MYLK: variants seen among roughly 807,000 people sequenced by gnomAD.
The protein encoded by MYLK is myosin light chain kinase.
Under a neutral mutation model 203.4 loss-of-function variants are expected in MYLK, and 106 were observed. The observed-to-expected ratio is 0.52, with a 90% CI of 0.45 to 0.61. MYLK has a LOEUF of 0.61. Ranked by LOEUF, MYLK falls within the 20% of genes least tolerant of loss-of-function variation. The probability of loss-of-function intolerance (pLI) is 0.00; values close to 1 mark genes in which losing one functional copy is unlikely to be tolerated. For synonymous variants in MYLK, 867 were observed against 959.5 expected (o/e 0.90, Z 1.78); for missense variants, 2,072 against 2,442.3 (o/e 0.85, Z 3.20).
rs548569048 is a variant in MYLK at position 123,837,565 on chromosome 3, AT to A, written c.-126-5896del. Among the ~76,000 whole-genome samples, 43 of 148,854 alleles carry A rather than the reference AT, an allele frequency of 2.9e-4. 2 individuals are homozygous for A. The East Asian group carries it at 8.2e-3, about 28-fold the overall frequency. On this transcript the variant is annotated intron_variant, in intron 2 of 33. Coordinates refer to ENST00000360304, the MANE Select transcript of MYLK (RefSeq NM_053025.4). Reference sequence around the variant, plus strand: ...TATATATATGCTCTATTGAGATATAATTCATATACCATACAATTTAAAGTCT... The same window carrying A: ...TATATATATGCTCTATTGAGATATAATCATATACCATACAATTTAAAGTCT...
chr3:123,841,678 T>A (rs541281907), intron 2 of MYLK, among the ~76,000 whole-genome samples: 1 of 152,258 alleles, frequency 6.6e-6, no homozygotes, highest in South Asian at 2.1e-4. Flanking sequence ...CAATGAGTCA[T>A]CAACATCTCC....
Position 123,670,054 on chromosome 3 carries a change from A to AG in MYLK, c.3653-2868_3653-2867insC, listed in dbSNP as rs1463525266. 5.3e-3 allele frequency among the ~76,000 whole-genome samples: 807 copies of AG among 151,252 alleles called. 31 individuals are homozygous for AG. The highest frequency in any genetic ancestry group is 0.05 in the Admixed American group (741 of 14,814). The stretch of plus-strand genomic sequence containing the variant: ...CATCTCAAAAAAAAAAAAAAAAAAA[A>AG]AAGCAAACATAGTAAAATGTTAACC... On this transcript the variant is annotated intron_variant, in intron 20 of 33. Transcript: ENST00000360304.
At chr3:123,667,213 T>C (rs1232260512) in intron 20 of MYLK, 26 bp from the exon 21 acceptor site, 2 of 1,612,584 alleles carry the variant, frequency 1.2e-6, no homozygotes. Context: ...TCACAAGTTA[T>C]TTCCTGTAGT....
chr3:123,660,761 AT>A, intron 23 of MYLK, among the ~76,000 whole-genome samples: 1 of 152,322 alleles, frequency 6.6e-6, no homozygotes, highest in African/African-American at 2.4e-5. Flanking sequence ...TGGTCTGTAA[AT>A]GCATGAAAAC....
intron 16 of MYLK, among the ~76,000 whole-genome samples, chr3:123,701,947 A>G (rs1279962597): frequency 6.6e-6 from 1 of 152,208 alleles, no homozygotes; most frequent in Non-Finnish European, 1.5e-5. Flanking sequence ...ATGATCCCTT[A>G]ACACAGAAGT....
chr3:123,629,823 A>C lies in MYLK; in HGVS notation c.4962-197T>G, dbSNP rs1576364353. 2 of 607,990 alleles carry C rather than the reference A, an allele frequency of 3.3e-6. No homozygotes were observed. The highest frequency in any genetic ancestry group is 5.8e-6 in the Non-Finnish European group (2 of 346,020). 37.7% of individuals were successfully genotyped at this position (607,990 alleles called of 1,614,324 possible). ...TTCACAGCCCTGTCTTTTCTTGGTCACCTGCCTCTTGACACCACCTACCTG... is the reference window on the plus strand; with the variant it reads ...TTCACAGCCCTGTCTTTTCTTGGTCCCCTGCCTCTTGACACCACCTACCTG... On this transcript the variant is annotated intron_variant, in intron 29 of 33. Transcript: ENST00000360304. The surrounding 1 kb of genome is among the most constrained non-coding windows in gnomAD (Gnocchi z 4.4).
At chr3:123,685,418 C>T (rs2060415980) in intron 19 of MYLK, among the ~76,000 whole-genome samples, 1 of 152,062 alleles carries the variant, frequency 6.6e-6, no homozygotes, top group African/African-American at 2.4e-5. Flanking sequence ...CATGGTGAAA[C>T]CCCGTCTCTA....
At chr3:123,769,150 C>T (rs114684695) in intron 4 of MYLK, among the ~76,000 whole-genome samples, 2,646 of 152,262 alleles carry the variant, frequency 0.017, 31 homozygotes, top group Admixed American at 0.03. Flanking sequence ...CTGCCCTACA[C>T]GAAGCACAGG....
intron 2 of MYLK, among the ~76,000 whole-genome samples, chr3:123,845,037 A>G (rs1178745550): frequency 2.0e-5 from 3 of 152,076 alleles, no homozygotes; most frequent in Non-Finnish European, 4.4e-5. Flanking sequence ...AAACAAACAA[A>G]TAAGAGAGGG....
chr3:123,829,268 A>G (rs1283687297), intron 3 of MYLK, among the ~76,000 whole-genome samples: 1 of 152,246 alleles, frequency 6.6e-6, no homozygotes, highest in Non-Finnish European at 1.5e-5. Context: ...GCCATAAAAA[A>G]GAATGAATCC....
chr3:123,701,005 C>G lies in MYLK; in HGVS notation c.2463G>C (p.Arg821=), dbSNP rs562829000. ...LQNSSARALP[R]GREPASCEDL... The stretch of plus-strand genomic sequence containing the variant: ...CCTCGCAGCTGGCAGGCTCCCTCCC[C>G]CTGCAACCAGTGTAGGGAAAAAGGA... Residue 821 remains arginine, a splice_region_variant and synonymous_variant, in exon 18 of 34, where the codon CGG becomes CGC. Transcript: ENST00000360304. 6.2e-7 allele frequency: 1 copy of G among 1,603,268 alleles called. No individual in the cohort carries two copies. The highest frequency in any genetic ancestry group is 8.5e-7 in the Non-Finnish European group (1 of 1,179,920).
At chr3:123,826,551 A>C (rs1316452286) in intron 3 of MYLK, among the ~76,000 whole-genome samples, 3 of 152,192 alleles carry the variant, frequency 2.0e-5, no homozygotes, top group Non-Finnish European at 4.4e-5. Context: ...TCCTGTCCTG[A>C]GTCTGAAAAG....
chr3:123,665,506 T>G (rs1461039351), intron 22 of MYLK, among the ~76,000 whole-genome samples: 1 of 152,190 alleles, frequency 6.6e-6, no homozygotes, highest in African/African-American at 2.4e-5. Context: ...TGAGTGATTT[T>G]AAAACAGAGT....
intron 2 of MYLK, among the ~76,000 whole-genome samples, chr3:123,854,887 AG>A (rs1406503750): frequency 2.0e-5 from 3 of 152,172 alleles, no homozygotes; most frequent in African/African-American, 7.2e-5. Context: ...ATAGTATTTT[AG>A]GGTCAACACA....
intron 3 of MYLK, among the ~76,000 whole-genome samples, chr3:123,826,662 A>T (rs528150960): frequency 6.6e-6 from 1 of 152,336 alleles, no homozygotes; most frequent in East Asian, 1.9e-4. Flanking sequence ...CAAACCCAGC[A>T]AGCTAGACCC....
intron 3 of MYLK, among the ~76,000 whole-genome samples, chr3:123,803,046 C>A (rs141417991): frequency 8.9e-4 from 135 of 152,228 alleles, no homozygotes; most frequent in African/African-American, 3.1e-3. Flanking sequence ...GCCTCACAAC[C>A]CTTAGCCCAC....
chr3:123,730,383 T>C (rs2062434788), intron 11 of MYLK, among the ~76,000 whole-genome samples: 1 of 152,342 alleles, frequency 6.6e-6, no homozygotes, highest in Admixed American at 6.5e-5. Flanking sequence ...AATTACCTTA[T>C]GACCCAACAA....
At chr3:123,839,275 A>C (rs1028382678) in intron 2 of MYLK, among the ~76,000 whole-genome samples, 2 of 152,176 alleles carry the variant, frequency 1.3e-5, no homozygotes, top group African/African-American at 4.8e-5. Context: ...TAGACTGTAT[A>C]AAAAAGTAAG....
In MYLK at chr3:123,734,001, G is replaced by A. The variant is rs1412626791; in HGVS notation, c.995C>T (p.Ala332Val). 1.9e-6 allele frequency: 3 copies of A among 1,614,210 alleles called. No individual in the cohort carries two copies. Among genetic ancestry groups the A allele is most frequent in the Non-Finnish European group, 2.5e-6 (3 of 1,180,044 alleles). The change falls in exon 10 of 34, where the codon GCC becomes GTC. Residue 332 changes from alanine (A) to valine (V), a missense_variant. Physicochemically the swap from Ala to Val is moderately conservative, Grantham distance 64. This residue lies in a region of MYLK where 683 missense variants were observed against 643.8 expected (regional missense o/e 1.06). Coordinates refer to ENST00000360304, the MANE Select transcript of MYLK (RefSeq NM_053025.4). ...CTTCTGAAGGACCGGGGTCTGCGGG[G>A]CCGTTCTGGGCGAGTCCTTGCATGA... ...LESCKDSPRT[A>V]PQTPVLQKTS...
Sources: allele counts gnomAD v4.1 joint callset (sites outside exome capture counted in the v4.1 genomes callset), GRCh38; gene constraint gnomAD v4.1.1; regional missense constraint gnomAD v4.1.1; non-coding constraint Gnocchi (gnomAD v3.1); transcripts MANE v1.5; gene names NCBI Gene and HGNC (gene_info 2026-07-23, HGNC 2026-07-21).